PALM2AKAP2: variants seen among roughly 807,000 people sequenced by gnomAD.
The protein encoded by PALM2AKAP2 is PALM2 and AKAP2 fusion, also known as PALM2-AKAP2 fusion protein.
Under a neutral mutation model 71.5 loss-of-function variants are expected in PALM2AKAP2, and 37 were observed. The ratio of observed to expected loss-of-function variants is 0.52; its 90% CI spans 0.40 to 0.68. PALM2AKAP2 has a LOEUF of 0.68. Ranked by LOEUF, PALM2AKAP2 falls within the 30% of genes least tolerant of loss-of-function variation. The pLI, the probability that PALM2AKAP2 is intolerant of heterozygous loss-of-function variation, is 0.00. For missense variants in PALM2AKAP2, 1,224 were observed against 1,191.8 expected, an observed-to-expected ratio of 1.03 and a Z score of -0.40; for synonymous variants, 468 against 478.8, an observed-to-expected ratio of 0.98 and a Z score of 0.29.
At chr9:109,809,138 G>A (rs1406101704) in intron 1 of PALM2AKAP2, among the ~76,000 whole-genome samples, 2 of 152,210 alleles carry the variant, frequency 1.3e-5, no homozygotes, top group Admixed American at 1.3e-4. Flanking sequence ...CCCCACTAGG[G>A]CACTGCCTAG....
In PALM2AKAP2 at chr9:110,037,056, T is replaced by C. The variant is rs189895301; in HGVS notation, c.582+21017T>C. ...ATTTCATGTATCTGCATGAGTGAAT[T>C]CAATTGGCCTTTTATTTTCTTTCCT... On this transcript the variant is annotated intron_variant, in intron 7 of 9. Transcript: ENST00000302798. 4.6e-5 allele frequency among the ~76,000 whole-genome samples: 7 copies of C among 152,304 alleles called. No homozygotes were observed. In the East Asian group the frequency reaches 1.2e-3, roughly 25 times the overall value.
chr9:109,990,089 T>G (rs1337732194), intron 6 of PALM2AKAP2, among the ~76,000 whole-genome samples: 3 of 150,974 alleles, frequency 2.0e-5, no homozygotes, highest in Non-Finnish European at 4.4e-5. Flanking sequence ...TTTTTTCTTT[T>G]GTGGCAGGGT....
At chr9:109,663,880 G>A (rs1042337718) in intron 1 of PALM2AKAP2, among the ~76,000 whole-genome samples, 1 of 152,152 alleles carries the variant, frequency 6.6e-6, no homozygotes, top group Non-Finnish European at 1.5e-5. Context: ...GCTGTATTGG[G>A]TGCATATCTA....
At chr9:109,653,578 A>G (rs542428995) in intron 1 of PALM2AKAP2, among the ~76,000 whole-genome samples, 3 of 152,328 alleles carry the variant, frequency 2.0e-5, no homozygotes, top group Non-Finnish European at 4.4e-5. Context: ...CTAAGACAGC[A>G]TCTTTCCCAC....
rs1827771796 is a variant in PALM2AKAP2, at chr9:109,683,842, T to C, written c.5+42976T>C. Among the ~76,000 whole-genome samples, 3 of 152,214 alleles carry C rather than the reference T, an allele frequency of 2.0e-5. No homozygotes were observed. In the South Asian group the frequency reaches 6.2e-4, roughly 32 times the overall value. ...GGGATCATTATTGGTTATGATAATG[T>C]GCATTAATTATACATGATAATGTAT... On this transcript the variant is annotated intron_variant, in intron 1 of 6. Coordinates refer to the PALM2AKAP2 transcript ENST00000374531.
At chr9:109,749,398 CG>C (rs147124876) in intron 1 of PALM2AKAP2, among the ~76,000 whole-genome samples, 20,118 of 151,968 alleles carry the variant, frequency 0.13, 1,600 homozygotes, top group East Asian at 0.36. Flanking sequence ...CAAGAGATCT[CG>C]TTCTTGTCTA....
chr9:109,807,150 GA>G (rs142640521), intron 1 of PALM2AKAP2, among the ~76,000 whole-genome samples: 3 of 151,532 alleles, frequency 2.0e-5, no homozygotes, highest in African/African-American at 4.9e-5. Context: ...GTGAGAGAGA[GA>G]AAAAAAAGTC....
exon 4 of PALM2AKAP2, chr9:109,923,743 A>G: frequency 6.3e-7 from 1 of 1,595,856 alleles, no homozygotes; most frequent in Non-Finnish European, 8.5e-7. Flanking sequence ...AGGCTGGAGC[A>G]AGAAATACAA....
chr9:110,038,544 GACA>G (rs1241207603), intron 7 of PALM2AKAP2, among the ~76,000 whole-genome samples: 1 of 152,086 alleles, frequency 6.6e-6, no homozygotes. Context: ...TGATGACTTT[GACA>G]AGTGCTGTCT....
chr9:109,968,461 C>T (rs1831998598), intron 6 of PALM2AKAP2, among the ~76,000 whole-genome samples: 1 of 152,264 alleles, frequency 6.6e-6, no homozygotes, highest in African/African-American at 2.4e-5. Context: ...CTAGATCTCT[C>T]AGTGAAAGGT....
chr9:109,926,634 G>A (rs904539684), intron 5 of PALM2AKAP2, among the ~76,000 whole-genome samples: 1 of 152,144 alleles, frequency 6.6e-6, no homozygotes, highest in Non-Finnish European at 1.5e-5. Context: ...TGAAGTGTGG[G>A]ACACTGACCC....
chr9:109,959,659 A>AG (rs1407539498), intron 6 of PALM2AKAP2, among the ~76,000 whole-genome samples: 2 of 151,908 alleles, frequency 1.3e-5, no homozygotes, highest in East Asian at 1.9e-4. Context: ...AAAAAAAAAA[A>AG]AAAATCCTAA....
chr9:109,840,759 A>G (rs985641218), intron 1 of PALM2AKAP2, among the ~76,000 whole-genome samples: 47 of 152,376 alleles, frequency 3.1e-4, no homozygotes, highest in Non-Finnish European at 2.9e-4. Flanking sequence ...CAAAAGACAC[A>G]TGAAAAAATG....
Position 110,137,928 on chromosome 9 carries a change from AC to A in PALM2AKAP2, c.1962del (p.Leu655TrpfsTer17). ...CTGGGGGACTCTCCGTTGGTTGATG[AC>A]CCCTTGGAGTATCAGGCTGGCCTCC... On this transcript the variant is annotated frameshift_variant, in exon 2 of 4. Transcript: ENST00000374525. LOFTEE classifies it high-confidence loss of function. 6.2e-7 allele frequency: 1 copy of A among 1,614,060 alleles called. No homozygotes were observed. Among genetic ancestry groups the A allele is most frequent in the Non-Finnish European group, 8.5e-7 (1 of 1,180,018 alleles).
At chr9:109,767,928 G>A (rs1284103572) in intron 1 of PALM2AKAP2, among the ~76,000 whole-genome samples, 1 of 152,228 alleles carries the variant, frequency 6.6e-6, no homozygotes, top group African/African-American at 2.4e-5. Flanking sequence ...GAGGGAAGGT[G>A]GGATGGAAGG....
intron 1 of PALM2AKAP2, among the ~76,000 whole-genome samples, chr9:109,692,693 A>G (rs934446717): frequency 3.3e-5 from 5 of 151,956 alleles, no homozygotes; most frequent in African/African-American, 1.2e-4. Flanking sequence ...TGGTATTACT[A>G]TATGGTTTTC....
chr9:109,655,955 T>C (rs1292550436), intron 1 of PALM2AKAP2, among the ~76,000 whole-genome samples: 1 of 152,168 alleles, frequency 6.6e-6, no homozygotes, highest in East Asian at 1.9e-4. Flanking sequence ...TTAATAGATA[T>C]TTATTGAAAG....
intron 7 of PALM2AKAP2, among the ~76,000 whole-genome samples, chr9:110,032,798 A>G (rs1172034255): frequency 6.6e-6 from 1 of 151,788 alleles, no homozygotes; most frequent in Non-Finnish European, 1.5e-5. Context: ...CAAACTAGCC[A>G]GGTGTGGTGT....
At chr9:110,069,959 C>T (rs1020521772) in intron 1 of PALM2AKAP2, among the ~76,000 whole-genome samples, 1 of 152,202 alleles carries the variant, frequency 6.6e-6, no homozygotes, top group African/African-American at 2.4e-5. Context: ...AGATGCCCAA[C>T]CCTTATTGTC....
Sources: allele counts gnomAD v4.1 joint callset (sites outside exome capture counted in the v4.1 genomes callset), GRCh38; gene constraint gnomAD v4.1.1; transcripts MANE v1.5; gene names NCBI Gene and HGNC (gene_info 2026-07-23, HGNC 2026-07-21).